PPP6R2: variants seen among roughly 807,000 people sequenced by gnomAD.
The protein encoded by PPP6R2 is protein phosphatase 6 regulatory subunit 2, also known as serine/threonine-protein phosphatase 6 regulatory subunit 2.
A neutral mutation model predicts 100.2 loss-of-function variants in PPP6R2; 62 were observed. The ratio of observed to expected loss-of-function variants is 0.62; its 90% CI spans 0.50 to 0.76. The LOEUF (loss-of-function observed/expected upper bound fraction) is 0.76. Ranked by LOEUF, PPP6R2 falls within the 30% of genes least tolerant of loss-of-function variation. PPP6R2 has a pLI of 0.00. For synonymous variants in PPP6R2, 525 were observed against 514.7 expected (o/e 1.02, Z -0.27); for missense variants, 1,142 against 1,276.3 (o/e 0.89, Z 1.60).
upstream of PPP6R2, among the ~76,000 whole-genome samples, chr22:50,340,666 C>T (rs1466030408): frequency 6.6e-6 from 1 of 151,478 alleles, no homozygotes; most frequent in Non-Finnish European, 1.5e-5. Flanking sequence ...CAGGGAAGGG[C>T]ACAGTGCAGT....
intron 2 of PPP6R2, among the ~76,000 whole-genome samples, chr22:50,387,273 C>T (rs1227297880): frequency 2.0e-5 from 3 of 152,090 alleles, no homozygotes; most frequent in Non-Finnish European, 2.9e-5. Context: ...CTGTGTTGCC[C>T]AGGCTTGTCT....
chr22:50,437,388 T>C (rs1249556423), intron 15 of PPP6R2, 118 bp from the exon 16 acceptor site: 3 of 735,204 alleles, frequency 4.1e-6, no homozygotes, highest in Non-Finnish European at 7.0e-6. Flanking sequence ...CCACTTGTGC[T>C]GGAGGAGAAG....
At chr22:50,398,153 C>T (rs775534276) in intron 3 of PPP6R2, among the ~76,000 whole-genome samples, 5 of 149,254 alleles carry the variant, frequency 3.3e-5, no homozygotes. Context: ...GGCAATATAG[C>T]GAGACTCCAT....
At position 50,355,233 on chromosome 22, in the gene PPP6R2, T is replaced by C. The variant is rs867916101; in HGVS notation, c.-148+11683T>C. ...CCACATACAGCAAGCAGCCTTCTTTTTTTTTTTTTTTTTTTCTTTTTTGAG... is the reference window on the plus strand; with the variant it reads ...CCACATACAGCAAGCAGCCTTCTTTCTTTTTTTTTTTTTTTCTTTTTTGAG... On this transcript the variant is annotated intron_variant, in intron 1 of 23. Coordinates refer to ENST00000612753, the MANE Select transcript of PPP6R2 (RefSeq NM_001242898.2). Among the ~76,000 whole-genome samples the C allele has an allele frequency of 2.3e-3, 347 of 150,578 alleles. 1 individual carries two copies. Among genetic ancestry groups the C allele is most frequent in the Middle Eastern group, 0.021 (6 of 288 alleles).
At chr22:50,437,483 C>CAACCA in intron 15 of PPP6R2, 23 bp from the exon 16 acceptor site, 4 of 734,972 alleles carry the variant, frequency 5.4e-6, no homozygotes, top group South Asian at 1.4e-5. Flanking sequence ...CTGTCCGTCC[C>CAACCA]TCCCTCCCTC....
At chr22:50,381,311 CCACCTCAGCATCACACGGGCCT>C (rs1555999319) in intron 2 of PPP6R2, among the ~76,000 whole-genome samples, 2 of 94,060 alleles carry the variant, frequency 2.1e-5, no homozygotes, top group African/African-American at 9.1e-5. Flanking sequence ...CACACGGGCC[CCACCTCAGCATCACACGGGCCT>C]CACCTCAGCA....
chr22:50,418,132 C>A (rs2060796191), intron 6 of PPP6R2, among the ~76,000 whole-genome samples: 1 of 152,192 alleles, frequency 6.6e-6, no homozygotes, highest in African/African-American at 2.4e-5. Context: ...AATATAGTAT[C>A]AGTAACATGG....
At chr22:50,395,728 T>C in intron 3 of PPP6R2, among the ~76,000 whole-genome samples, 1 of 152,058 alleles carries the variant, frequency 6.6e-6, no homozygotes, top group Admixed American at 6.5e-5. Flanking sequence ...GCCCGGCTAA[T>C]TTATTTTTGT....
intron 10 of PPP6R2, among the ~76,000 whole-genome samples, chr22:50,424,611 T>C (rs1411177161): frequency 2.0e-5 from 3 of 149,218 alleles, no homozygotes; most frequent in Non-Finnish European, 4.5e-5. Flanking sequence ...AAAAGAGACC[T>C]ACTTTCCTTT....
intron 2 of PPP6R2, among the ~76,000 whole-genome samples, chr22:50,385,684 A>G (rs1055555366): frequency 2.6e-5 from 3 of 116,952 alleles, no homozygotes; most frequent in African/African-American, 1.0e-4. Flanking sequence ...CCTGGCTAAT[A>G]TTTTTATTTT....
At chr22:50,428,881 C>T (rs2062653076) in intron 10 of PPP6R2, among the ~76,000 whole-genome samples, 1 of 152,148 alleles carries the variant, frequency 6.6e-6, no homozygotes, top group Admixed American at 6.6e-5. Context: ...TGAGAGTGGG[C>T]ATCCTTGCCT....
chr22:50,374,911 CAAAAAAAAAAAAA>C (rs60035779), intron 2 of PPP6R2, among the ~76,000 whole-genome samples: 1 of 80,986 alleles, frequency 1.2e-5, no homozygotes, highest in Non-Finnish European at 2.4e-5. Context: ...GACTCTGTCT[CAAAAAAAAAAAAA>C]AAAAAAAGAG....
At position 50,427,937 on chromosome 22, in the gene PPP6R2, G is replaced by A. The variant is rs1156452470; in HGVS notation, c.1126-3236G>A. ...GGGTTTCACCATATTAGCCAGGACG[G>A]TCTCGATCTCCTGACCTCGTGATCC... On this transcript the variant is annotated intron_variant, in intron 10 of 23. Coordinates refer to ENST00000612753, the MANE Select transcript of PPP6R2 (RefSeq NM_001242898.2). Among the ~76,000 whole-genome samples the A allele has an allele frequency of 2.0e-5, 3 of 152,208 alleles. 1 individual carries two copies. The highest frequency in any genetic ancestry group is 1.3e-4 in the Admixed American group (2 of 15,274).
intron 3 of PPP6R2, among the ~76,000 whole-genome samples, chr22:50,395,692 C>G (rs1378557181): frequency 6.6e-6 from 1 of 152,148 alleles, no homozygotes; most frequent in Non-Finnish European, 1.5e-5. Flanking sequence ...TCCCTAGTAG[C>G]TGGCACTACA....
At chr22:50,385,116 A>G (rs946177580) in intron 2 of PPP6R2, among the ~76,000 whole-genome samples, 3 of 152,226 alleles carry the variant, frequency 2.0e-5, no homozygotes, top group South Asian at 2.1e-4. Flanking sequence ...GGATTAATCC[A>G]TTCTTGAGGG....
intron 1 of PPP6R2, among the ~76,000 whole-genome samples, chr22:50,352,702 TGACAGAGC>T (rs953926390): frequency 7.3e-5 from 11 of 150,318 alleles, no homozygotes; most frequent in African/African-American, 2.5e-4. Flanking sequence ...TCCAGCCTGG[TGACAGAGC>T]GAGACTCTGT....
At chr22:50,400,333 ACT>A (rs1374985335) in intron 3 of PPP6R2, among the ~76,000 whole-genome samples, 3 of 151,906 alleles carry the variant, frequency 2.0e-5, no homozygotes, top group Non-Finnish European at 2.9e-5. Flanking sequence ...GGTAAATTAC[ACT>A]CTGTTAAAAC....
chr22:50,333,916 C>A, the PPP6R2 span, among the ~76,000 whole-genome samples: 4 of 152,164 alleles, frequency 2.6e-5, no homozygotes, highest in African/African-American at 9.7e-5. Flanking sequence ...TAAGGTCACG[C>A]GAGTCACGTG....
At chr22:50,383,852 C>G (rs1207174626) in intron 2 of PPP6R2, among the ~76,000 whole-genome samples, 3 of 151,970 alleles carry the variant, frequency 2.0e-5, no homozygotes, top group African/African-American at 7.2e-5. Context: ...GCCTGGCCAA[C>G]ATGGTGAAAT....
Sources: gnomAD v4.1 joint callset for allele counts (sites outside exome capture counted in the v4.1 genomes callset) on GRCh38, gnomAD v4.1.1 for gene constraint, MANE v1.5 for transcripts, NCBI Gene and HGNC (gene_info 2026-07-23, HGNC 2026-07-21) for gene names.